EFCAB11: variants seen among roughly 807,000 people sequenced by gnomAD.
The protein encoded by EFCAB11 is EF-hand calcium-binding domain-containing protein 11.
Under a neutral mutation model 23.0 loss-of-function variants are expected in EFCAB11, and 14 were observed. The ratio of observed to expected loss-of-function variants is 0.61; its 90% CI spans 0.40 to 0.95. The LOEUF is 0.95. EFCAB11 is among the 40% of genes least tolerant of loss of function. EFCAB11 has a pLI of 0.00. For synonymous variants in EFCAB11, 65 were observed against 66.6 expected, an observed-to-expected ratio of 0.98 and a Z score of 0.11; for missense variants, 198 against 195.8, an observed-to-expected ratio of 1.01 and a Z score of -0.07.
intron 5 of EFCAB11, among the ~76,000 whole-genome samples, chr14:89,798,869 C>T (rs184232561): frequency 2.4e-4 from 36 of 152,290 alleles, no homozygotes; most frequent in Admixed American, 1.6e-3. Flanking sequence ...TCACTGCGAC[C>T]TCCGCCTCTC....
chr14:89,817,105 T>A (rs1886359290), intron 5 of EFCAB11, among the ~76,000 whole-genome samples: 1 of 152,076 alleles, frequency 6.6e-6, no homozygotes, highest in Non-Finnish European at 1.5e-5. Flanking sequence ...TTAATACATT[T>A]CTAAATAAAA....
intron 5 of EFCAB11, among the ~76,000 whole-genome samples, chr14:89,881,766 A>G (rs1479888624): frequency 6.6e-6 from 1 of 151,888 alleles, no homozygotes; most frequent in Non-Finnish European, 1.5e-5. Flanking sequence ...ATATATTTTC[A>G]AATTCTACTA....
chr14:89,922,903 C>T (rs138401223), intron 5 of EFCAB11, among the ~76,000 whole-genome samples: 648 of 152,182 alleles, frequency 4.3e-3, no homozygotes, highest in Non-Finnish European at 5.7e-3. Flanking sequence ...AGAGTAGGGC[C>T]GGCTTTCAAG....
chr14:89,823,360 T>G (rs976379347), intron 5 of EFCAB11, among the ~76,000 whole-genome samples: 40 of 152,276 alleles, frequency 2.6e-4, no homozygotes, highest in African/African-American at 9.1e-4. Context: ...ATTCTTCCCA[T>G]GAACTTCCAG....
intron 5 of EFCAB11, chr14:89,924,649 C>A: frequency 6.5e-7 from 1 of 1,535,484 alleles, no homozygotes; most frequent in South Asian, 1.2e-5. Flanking sequence ...TGATGACAGC[C>A]GAAGTTAAAT....
intron 5 of EFCAB11, among the ~76,000 whole-genome samples, chr14:89,835,591 T>TGTGTGC (rs1887048429): frequency 9.5e-6 from 1 of 104,900 alleles, no homozygotes; most frequent in Non-Finnish European, 2.0e-5. Flanking sequence ...TCAACGTGTG[T>TGTGTGC]GTGTGTGTGT....
intron 5 of EFCAB11, among the ~76,000 whole-genome samples, chr14:89,913,521 CTA>C (rs1349310216): frequency 1.3e-5 from 2 of 152,146 alleles, no homozygotes; most frequent in Non-Finnish European, 2.9e-5. Flanking sequence ...CCATCCAGTT[CTA>C]TGATTCCGTA....
At chr14:89,912,867 G>A (rs1889724048) in intron 5 of EFCAB11, among the ~76,000 whole-genome samples, 1 of 152,204 alleles carries the variant, frequency 6.6e-6, no homozygotes, top group Non-Finnish European at 1.5e-5. Context: ...ATGTTTCATA[G>A]TCACTCTGCT....
At chr14:89,810,443 AT>A (rs1298731815) in intron 5 of EFCAB11, among the ~76,000 whole-genome samples, 2 of 152,150 alleles carry the variant, frequency 1.3e-5, no homozygotes, top group Non-Finnish European at 2.9e-5. Context: ...ATAATAAATT[AT>A]TTTTTGTTGG....
intron 5 of EFCAB11, among the ~76,000 whole-genome samples, chr14:89,915,394 A>G (rs1288764426): frequency 6.6e-6 from 1 of 152,228 alleles, no homozygotes; most frequent in African/African-American, 2.4e-5. Context: ...ACGCTTATTA[A>G]GAAAGGCTCC....
At chr14:89,924,738 G>A (rs938693611) in intron 5 of EFCAB11, 41 of 1,521,386 alleles carry the variant, frequency 2.7e-5, no homozygotes, top group Non-Finnish European at 3.5e-5. Flanking sequence ...TGTAGACAGA[G>A]GAAAATGGAA....
At chr14:89,806,685 C>T (rs550277261) in intron 5 of EFCAB11, among the ~76,000 whole-genome samples, 49 of 152,222 alleles carry the variant, frequency 3.2e-4, no homozygotes, top group East Asian at 9.7e-4. Context: ...CCCCCAGGAG[C>T]GAGCTCTCTG....
At chr14:89,891,929 G>T (rs1475321267) in intron 5 of EFCAB11, among the ~76,000 whole-genome samples, 1 of 152,152 alleles carries the variant, frequency 6.6e-6, no homozygotes, top group African/African-American at 2.4e-5. Flanking sequence ...GCCCACGGTG[G>T]GCGCCGAGTG....
chr14:89,821,007 C>T (rs1223866931), intron 5 of EFCAB11, among the ~76,000 whole-genome samples: 1 of 152,080 alleles, frequency 6.6e-6, no homozygotes, highest in Non-Finnish European at 1.5e-5. Flanking sequence ...CCTTGAACTC[C>T]TGGGATCAAA....
At chr14:89,836,085 A>G (rs948016305) in intron 5 of EFCAB11, among the ~76,000 whole-genome samples, 2 of 152,182 alleles carry the variant, frequency 1.3e-5, no homozygotes, top group Non-Finnish European at 2.9e-5. Flanking sequence ...ATGAGGGGCC[A>G]TAGGCTCCAG....
chr14:89,897,169 C>T (rs2140197358), intron 5 of EFCAB11, among the ~76,000 whole-genome samples: 1 of 149,716 alleles, frequency 6.7e-6, no homozygotes, highest in East Asian at 1.9e-4. Context: ...GAAGATTAAA[C>T]ATTAGAGAAA....
At chr14:89,852,318 C>T (rs761283923) in intron 5 of EFCAB11, among the ~76,000 whole-genome samples, 23 of 152,330 alleles carry the variant, frequency 1.5e-4, no homozygotes, top group Middle Eastern at 3.4e-3. Context: ...AATGGAGACA[C>T]ACTGTTGTGG....
At chr14:89,943,660 T>C (rs1269072431) in intron 3 of EFCAB11, among the ~76,000 whole-genome samples, 3 of 152,212 alleles carry the variant, frequency 2.0e-5, no homozygotes, top group Non-Finnish European at 4.4e-5. Flanking sequence ...TTGACTCGTA[T>C]CAATAAGAGG....
At chr14:89,936,427 T>C (rs1380580833) in intron 3 of EFCAB11, among the ~76,000 whole-genome samples, 2 of 152,238 alleles carry the variant, frequency 1.3e-5, no homozygotes, top group African/African-American at 4.8e-5. Context: ...AAAATGTATG[T>C]GGATTTAAAC....
Sources: allele counts gnomAD v4.1 joint callset (sites outside exome capture counted in the v4.1 genomes callset), GRCh38; gene constraint gnomAD v4.1.1; transcripts MANE v1.5; gene names NCBI Gene and HGNC (gene_info 2026-07-23, HGNC 2026-07-21).